BCL11B: variants seen among roughly 807,000 people sequenced by gnomAD.
BCL11B encodes B-cell lymphoma/leukemia 11B.
BCL11B carries 8 observed loss-of-function variants against 49.9 expected under a neutral mutation model. The ratio of observed to expected loss-of-function variants is 0.16; its 90% CI spans 0.09 to 0.29. The LOEUF is 0.29. Ranked by LOEUF, BCL11B falls within the 10% of genes least tolerant of loss-of-function variation. The pLI is 1.00. For synonymous variants in BCL11B, 739 were observed against 637.4 expected, an observed-to-expected ratio of 1.16 and a Z score of -2.40; for missense variants, 1,006 against 1,351.0, an observed-to-expected ratio of 0.74 and a Z score of 4.00.
intron 2 of BCL11B, among the ~76,000 whole-genome samples, chr14:99,256,989 CCAGGTCATGCCGCATGCAA>C (rs1279697346): frequency 1.3e-5 from 2 of 152,162 alleles, no homozygotes; most frequent in African/African-American, 4.8e-5. Context: ...TAAGTGCCTA[CCAGGTCATGCCGCATGCAA>C]CAGCTCATTC....
chr14:99,268,651 G>A (rs1889557258), intron 1 of BCL11B, among the ~76,000 whole-genome samples: 1 of 152,020 alleles, frequency 6.6e-6, no homozygotes, highest in Non-Finnish European at 1.5e-5. Context: ...CCTCCCAGGT[G>A]ACACAGGACA....
rs544094152 is a variant in BCL11B, at chr14:99,221,559, G to C, written c.640+9786C>G. Among the ~76,000 whole-genome samples, 346 of 152,338 alleles carry C rather than the reference G, an allele frequency of 2.3e-3. 1 individual carries two copies. The highest frequency in any genetic ancestry group is 7.7e-3 in the African/African-American group (319 of 41,568). On this transcript the variant is annotated intron_variant, in intron 3 of 3. Transcript: ENST00000357195. ...CCCTTGGCTGTTCCTACTCACACCT[G>C]CCAGGTACAAGGCCAGGCGGGAGGG...
At chr14:99,196,008 C>G (rs1300055323) in intron 3 of BCL11B, among the ~76,000 whole-genome samples, 1 of 152,218 alleles carries the variant, frequency 6.6e-6, no homozygotes, top group Non-Finnish European at 1.5e-5. Flanking sequence ...ATGAAGAAGC[C>G]CATGAGCCAA....
chr14:99,209,222 G>A (rs1445119359), intron 3 of BCL11B, among the ~76,000 whole-genome samples: 2 of 152,146 alleles, frequency 1.3e-5, no homozygotes, highest in Admixed American at 1.3e-4. Context: ...GTCACAATGA[G>A]GACTCTGAAG....
intron 2 of BCL11B, among the ~76,000 whole-genome samples, chr14:99,243,028 T>C (rs999069168): frequency 6.6e-6 from 1 of 152,206 alleles, no homozygotes; most frequent in Non-Finnish European, 1.5e-5. Flanking sequence ...GCTGTATGCA[T>C]TCCTCCCTAA....
At chr14:99,246,824 C>G (rs1888857879) in intron 2 of BCL11B, among the ~76,000 whole-genome samples, 1 of 152,134 alleles carries the variant, frequency 6.6e-6, no homozygotes, top group African/African-American at 2.4e-5. Flanking sequence ...GGGAGGAGGC[C>G]AAGCTTGAGG....
chr14:99,175,124 C>T lies in BCL11B; in HGVS notation c.1712G>A (p.Gly571Asp). ...ELSRNRENGGGGVPGVPGAGG... is the reference protein window; with the variant it reads ...ELSRNRENGGDGVPGVPGAGG... Reference sequence around the variant, plus strand: ...CGCGCCCGGGACCCCGGGCACCCCACCACCGCCGTTCTCGCGGTTGCGGCT... The same window carrying T: ...CGCGCCCGGGACCCCGGGCACCCCATCACCGCCGTTCTCGCGGTTGCGGCT... Residue 571 changes from glycine to aspartate, a missense_variant, in exon 4 of 4, where the codon GGT (glycine) becomes GAT (aspartate). By Grantham distance (94) the Gly-to-Asp change is moderately conservative (BLOSUM62 -1). Around this residue, in one of 6 missense-constraint regions of BCL11B, gnomAD observed 443 missense variants for 499.7 expected, o/e 0.89. Transcript: ENST00000357195. The T allele has an allele frequency of 6.3e-7, 1 of 1,589,986 alleles. No individual in the cohort carries two copies. Among genetic ancestry groups the T allele is most frequent in the Non-Finnish European group, 8.6e-7 (1 of 1,169,176 alleles).
intron 3 of BCL11B, among the ~76,000 whole-genome samples, chr14:99,214,739 C>T (rs549648970): frequency 1.3e-5 from 2 of 152,188 alleles, no homozygotes; most frequent in South Asian, 2.1e-4. Context: ...CATGGGGACC[C>T]GGCAGGACGG....
intron 3 of BCL11B, among the ~76,000 whole-genome samples, chr14:99,201,138 G>A (rs941504060): frequency 1.3e-5 from 2 of 152,210 alleles, no homozygotes; most frequent in African/African-American, 4.8e-5. Context: ...AGGGAAGTGG[G>A]CAGTAGCCCG....
intron 2 of BCL11B, among the ~76,000 whole-genome samples, chr14:99,243,073 CT>C (rs1888716894): frequency 6.6e-6 from 1 of 152,214 alleles, no homozygotes; most frequent in South Asian, 2.1e-4. Flanking sequence ...AGCTCCTCTC[CT>C]TCTGGGGCCT....
intron 2 of BCL11B, among the ~76,000 whole-genome samples, chr14:99,240,151 A>C (rs1166329599): frequency 6.6e-6 from 1 of 152,196 alleles, no homozygotes; most frequent in Non-Finnish European, 1.5e-5. Flanking sequence ...GAACAGAAAT[A>C]AATTTGGTTA....
rs1023931422 is a variant in BCL11B, at chr14:99,247,272, G to A, written c.427+10199C>T. Among the ~76,000 whole-genome samples, 5 of 152,314 alleles carry A rather than the reference G, an allele frequency of 3.3e-5. No homozygotes were observed. Among genetic ancestry groups the A allele is most frequent in the East Asian group, 1.9e-4 (1 of 5,172 alleles). On this transcript the variant is annotated intron_variant, in intron 2 of 3. Transcript: ENST00000357195. The surrounding 1 kb of genome is among the most constrained non-coding windows in gnomAD (Gnocchi z 4.5). ...AAGTTTTACAAGCCAATGATGCAGA[G>A]AGAAGACCACACTGTTTAGCTTTCT...
intron 3 of BCL11B, among the ~76,000 whole-genome samples, chr14:99,207,668 G>T (rs1476858240): frequency 6.6e-6 from 1 of 152,224 alleles, no homozygotes; most frequent in Non-Finnish European, 1.5e-5. Context: ...CGGCCCAGAG[G>T]CAGGTGCAAG....
At chr14:99,206,212 CAAACT>C (rs1010190305) in intron 3 of BCL11B, among the ~76,000 whole-genome samples, 1 of 152,148 alleles carries the variant, frequency 6.6e-6, no homozygotes, top group Non-Finnish European at 1.5e-5. Flanking sequence ...CTGGGGGCCA[CAAACT>C]ACGGGCCATG....
In BCL11B at chr14:99,228,748, T is replaced by C. The variant is rs927859635; in HGVS notation, c.640+2597A>G. ...ATCAAATCCCACCTCCACCACTCCC[T>C]CCCTCCCTGCTCCTCCTTCCCCTTC... is the stretch of plus-strand genomic sequence containing the variant. On this transcript the variant is annotated intron_variant, in intron 3 of 3. Coordinates refer to ENST00000357195, the MANE Select transcript of BCL11B (RefSeq NM_138576.4). The surrounding 1 kb of genome is among the most constrained non-coding windows in gnomAD (Gnocchi z 4.8). Among the ~76,000 whole-genome samples, 3 of 152,094 alleles carry C rather than the reference T, an allele frequency of 2.0e-5. No individual in the cohort carries two copies. The highest frequency in any genetic ancestry group is 7.2e-5 in the African/African-American group (3 of 41,418).
intron 3 of BCL11B, among the ~76,000 whole-genome samples, chr14:99,198,290 A>T (rs1280715367): frequency 3.3e-5 from 5 of 152,252 alleles, no homozygotes; most frequent in Non-Finnish European, 7.3e-5. Context: ...TTCTCTTAAA[A>T]TGTCAATGTT....
At chr14:99,266,145 A>G (rs750511119) in intron 1 of BCL11B, among the ~76,000 whole-genome samples, 4 of 152,226 alleles carry the variant, frequency 2.6e-5, no homozygotes, top group Non-Finnish European at 4.4e-5. Flanking sequence ...TCGGCATTTT[A>G]AATCTTTGGG....
Position 99,247,359 on chromosome 14 carries a change from A to G in BCL11B, c.427+10112T>C, listed in dbSNP as rs1888878068. ...AAGAACCCGCTCCAGCCCCAGGAAAACTTAGTTTTGCTGGGTTTACCAACT... is the reference window on the plus strand; with the variant it reads ...AAGAACCCGCTCCAGCCCCAGGAAAGCTTAGTTTTGCTGGGTTTACCAACT... On this transcript the variant is annotated intron_variant, in intron 2 of 3. Coordinates refer to ENST00000357195, the MANE Select transcript of BCL11B (RefSeq NM_138576.4). This position sits in a 1 kb window ranked among gnomAD's most constrained non-coding sequence, Gnocchi z 4.5. 6.6e-6 allele frequency among the ~76,000 whole-genome samples: 1 copy of G among 152,106 alleles called. No individual in the cohort carries two copies.
chr14:99,225,653 GAAAA>G (rs541134842), intron 3 of BCL11B, among the ~76,000 whole-genome samples: 16 of 151,432 alleles, frequency 1.1e-4, no homozygotes, highest in Non-Finnish European at 2.1e-4. Flanking sequence ...AAAAAAAAGG[GAAAA>G]AAAGAAAGAA....
Sources: gnomAD v4.1 joint callset for allele counts (sites outside exome capture counted in the v4.1 genomes callset) on GRCh38, gnomAD v4.1.1 for gene constraint, gnomAD v4.1.1 regional missense constraint, Gnocchi (gnomAD v3.1) non-coding constraint, MANE v1.5 for transcripts, NCBI Gene and HGNC (gene_info 2026-07-23, HGNC 2026-07-21) for gene names.